MACROD2: variants seen among roughly 807,000 people sequenced by gnomAD.
The protein encoded by MACROD2 is mono-ADP ribosylhydrolase 2, also known as ADP-ribose glycohydrolase MACROD2.
MACROD2 carries 36 observed loss-of-function variants against 70.4 expected under a neutral mutation model. The observed-to-expected ratio is 0.51, with a 90% CI of 0.39 to 0.68. The LOEUF (loss-of-function observed/expected upper bound fraction) is 0.68. Among genes scored for constraint, MACROD2 ranks in the 30% least tolerant of loss-of-function variants. The probability of loss-of-function intolerance (pLI) is 0.00; values close to 1 mark genes in which losing one functional copy is unlikely to be tolerated. For missense variants in MACROD2, 496 were observed against 538.4 expected, an observed-to-expected ratio of 0.92 and a Z score of 0.78; for synonymous variants, 172 against 178.8, an observed-to-expected ratio of 0.96 and a Z score of 0.30.
chr20:15,466,766 C>T (rs1568828870), intron 7 of MACROD2, among the ~76,000 whole-genome samples: 1 of 152,222 alleles, frequency 6.6e-6, no homozygotes, highest in Non-Finnish European at 1.5e-5. Flanking sequence ...AGTTGCTACT[C>T]TGTAAGCAGC....
intron 5 of MACROD2, among the ~76,000 whole-genome samples, chr20:14,740,097 T>G (rs2123717642): frequency 6.6e-6 from 1 of 152,260 alleles, no homozygotes; most frequent in South Asian, 2.1e-4. Flanking sequence ...TCTTTATTCT[T>G]TAAAGTTCTT....
rs2075732625 is a variant in MACROD2, at chr20:15,084,556, A to G, written c.419-145384A>G. Among the ~76,000 whole-genome samples the G allele has an allele frequency of 5.9e-5, 9 of 152,268 alleles. No homozygotes were observed. In the South Asian group the frequency reaches 1.9e-3, roughly 32 times the overall value. On this transcript the variant is annotated intron_variant, in intron 5 of 17. Transcript: ENST00000684519. ...GTTATCACAGTAAAAGCTAATTAAT[A>G]TGGAAGTTAGAAATAAATTGCACCA... is the stretch of plus-strand genomic sequence containing the variant.
At chr20:15,942,155 G>C (rs1001117635) in intron 12 of MACROD2, among the ~76,000 whole-genome samples, 4 of 152,276 alleles carry the variant, frequency 2.6e-5, no homozygotes, top group Middle Eastern at 3.4e-3. Context: ...ACCCATGTTT[G>C]CTGCCTGCTT....
intron 9 of MACROD2, among the ~76,000 whole-genome samples, chr20:15,878,317 GTTC>G (rs1315225057): frequency 1.3e-5 from 2 of 152,202 alleles, no homozygotes; most frequent in African/African-American, 4.8e-5. Context: ...CTTTTGAAAG[GTTC>G]TTCTTCAACA....
intron 8 of MACROD2, among the ~76,000 whole-genome samples, chr20:15,741,072 A>G (rs78639614): frequency 0.013 from 1,936 of 151,562 alleles, 49 homozygotes; most frequent in East Asian, 0.12. Context: ...AATGGTCTAC[A>G]AAACTCTCAG....
intron 17 of MACROD2, among the ~76,000 whole-genome samples, chr20:16,046,393 C>T (rs1043388623): frequency 1.3e-5 from 2 of 151,728 alleles, no homozygotes; most frequent in South Asian, 2.1e-4. Context: ...AGAAATGATA[C>T]GGTTGAGGAG....
At chr20:14,461,367 A>T (rs1315977014) in intron 3 of MACROD2, among the ~76,000 whole-genome samples, 1 of 151,796 alleles carries the variant, frequency 6.6e-6, no homozygotes, top group African/African-American at 2.4e-5. Context: ...TAATCTTTTT[A>T]AAAAACCAGC....
chr20:14,043,406 G>A (rs192104991), intron 2 of MACROD2, among the ~76,000 whole-genome samples: 42 of 152,302 alleles, frequency 2.8e-4, no homozygotes, highest in African/African-American at 1.0e-3. Flanking sequence ...GGTATAGGAA[G>A]GGGCATAGAG....
At chr20:14,144,936 G>A (rs917241757) in intron 3 of MACROD2, among the ~76,000 whole-genome samples, 1 of 152,102 alleles carries the variant, frequency 6.6e-6, no homozygotes, top group Non-Finnish European at 1.5e-5. Context: ...CTCTATCTCA[G>A]TTCGCAGCTC....
intron 4 of MACROD2, among the ~76,000 whole-genome samples, chr20:14,606,458 G>A (rs972898683): frequency 1.2e-4 from 18 of 151,584 alleles, no homozygotes; most frequent in Non-Finnish European, 2.4e-4. Flanking sequence ...GTCACCACCA[G>A]TTAAATTAAT....
chr20:14,856,171 C>A (rs1481868388), intron 5 of MACROD2, among the ~76,000 whole-genome samples: 3 of 152,104 alleles, frequency 2.0e-5, no homozygotes, highest in Non-Finnish European at 2.9e-5. Flanking sequence ...ATCATGTTGC[C>A]TTTGATCAAA....
At chr20:15,935,880 C>A (rs1416054486) in intron 11 of MACROD2, among the ~76,000 whole-genome samples, 2 of 152,042 alleles carry the variant, frequency 1.3e-5, no homozygotes, top group African/African-American at 4.8e-5. Flanking sequence ...AGAAGGAATG[C>A]CCAGAAGGCA....
At chr20:14,194,010 A>T (rs757661149) in intron 3 of MACROD2, among the ~76,000 whole-genome samples, 1 of 152,190 alleles carries the variant, frequency 6.6e-6, no homozygotes, top group Admixed American at 6.5e-5. Flanking sequence ...CCTTTCACAC[A>T]GCGCAGATTA....
intron 4 of MACROD2, among the ~76,000 whole-genome samples, chr20:14,640,360 T>C (rs1402497379): frequency 2.6e-5 from 4 of 152,212 alleles, no homozygotes; most frequent in Non-Finnish European, 4.4e-5. Context: ...TTTTCCCTCA[T>C]TCACAAGTGA....
intron 6 of MACROD2, among the ~76,000 whole-genome samples, chr20:15,284,531 C>G (rs1457099774): frequency 2.0e-5 from 3 of 152,070 alleles, no homozygotes; most frequent in Admixed American, 6.6e-5. Flanking sequence ...CTATTTTTCT[C>G]TCTTTCTGTG....
At chr20:14,651,349 C>T (rs559850275) in intron 4 of MACROD2, among the ~76,000 whole-genome samples, 10 of 152,164 alleles carry the variant, frequency 6.6e-5, no homozygotes, top group African/African-American at 2.4e-4. Context: ...ATTGGTGCCT[C>T]CACAGCATTA....
intron 5 of MACROD2, among the ~76,000 whole-genome samples, chr20:15,085,311 A>G (rs2075738393): frequency 6.6e-6 from 1 of 152,176 alleles, no homozygotes; most frequent in Non-Finnish European, 1.5e-5. Context: ...TTAGGGATGC[A>G]TTTTCATGAC....
At chr20:14,317,056 C>CCTACG (rs1568551811) in intron 3 of MACROD2, among the ~76,000 whole-genome samples, 4 of 152,212 alleles carry the variant, frequency 2.6e-5, no homozygotes, top group African/African-American at 7.2e-5. Flanking sequence ...GTCTTGATCA[C>CCTACG]TGAGTGTAAG....
chr20:15,133,877 T>A (rs1284388449), intron 5 of MACROD2, among the ~76,000 whole-genome samples: 1 of 151,254 alleles, frequency 6.6e-6, no homozygotes, highest in Non-Finnish European at 1.5e-5. Flanking sequence ...CTGTAGTATA[T>A]ACAATTATAT....
Sources: allele counts gnomAD v4.1 joint callset (sites outside exome capture counted in the v4.1 genomes callset), GRCh38; gene constraint gnomAD v4.1.1; transcripts MANE v1.5; gene names NCBI Gene and HGNC (gene_info 2026-07-23, HGNC 2026-07-21).